The following GSDMB variants were observed in gnomAD, a reference collection of about 807,000 sequenced individuals.
GSDMB encodes the protein gasdermin B.
Under a neutral mutation model 42.9 loss-of-function variants are expected in GSDMB, and 32 were observed. The observed-to-expected ratio is 0.75, with a 90% CI of 0.56 to 1.00. GSDMB has a LOEUF of 1.00. GSDMB is among the 50% of genes least tolerant of loss of function. The pLI is 0.00. For synonymous variants in GSDMB, 175 were observed against 193.7 expected (o/e 0.90, Z 0.80); for missense variants, 468 against 498.5 (o/e 0.94, Z 0.58).
chr17:39,906,696 C>CG (rs397770706), intron 7 of GSDMB: 3 of 1,206,624 alleles, frequency 2.5e-6, no homozygotes, highest in Admixed American at 3.4e-5. Context: ...GCCACACCCC[C>CG]ACAATTAAGT....
chr17:39,906,998 A>C lies in GSDMB; in HGVS notation c.701-11T>G. 6.2e-7 allele frequency: 1 copy of C among 1,613,820 alleles called. No individual in the cohort carries two copies. On this transcript the variant is annotated splice_polypyrimidine_tract_variant and intron_variant, in intron 6 of 10. Transcript: ENST00000418519. ...AAGCACCATCCTTCTCTGCAGAGAG[A>C]GGAAGAGTTATTTCAGAATCTTCAG... is the stretch of plus-strand genomic sequence containing the variant.
intron 6 of GSDMB, 189 bp from the exon 7 acceptor site, chr17:39,907,176 C>G: frequency 1.4e-6 from 2 of 1,421,938 alleles, no homozygotes; most frequent in Non-Finnish European, 1.8e-6. Flanking sequence ...CCCACATCCT[C>G]AAAAACAGGC....
Position 39,906,272 on chromosome 17 carries a change from C to A in GSDMB, c.728-1G>T. The A allele has an allele frequency of 6.2e-7, 1 of 1,613,980 alleles. No homozygotes were observed. The highest frequency in any genetic ancestry group is 1.1e-5 in the South Asian group (1 of 91,052). ...GAATCCTCCGAACCCAAAGACTTTC[C>A]TGTAGAGGCAGCAATTGAGAACCTG... is the stretch of plus-strand genomic sequence containing the variant. On this transcript the variant is annotated splice_acceptor_variant, in intron 7 of 10. Coordinates refer to ENST00000418519, the MANE Select transcript of GSDMB (RefSeq NM_001165958.2). LOFTEE classifies it high-confidence loss of function.
chr17:39,913,195 A>G (rs373791762), intron 2 of GSDMB, among the ~76,000 whole-genome samples: 3 of 152,250 alleles, frequency 2.0e-5, no homozygotes, highest in East Asian at 1.9e-4. Context: ...GATGTAGTTA[A>G]GCACTTAACC....
chr17:39,910,504 A>G (rs966523769), intron 3 of GSDMB, among the ~76,000 whole-genome samples: 6 of 152,210 alleles, frequency 3.9e-5, no homozygotes, highest in Admixed American at 3.9e-4. Flanking sequence ...TGAGTGGTCC[A>G]AGGTCACACA....
In GSDMB at chr17:39,905,912, T is replaced by A. The variant is rs1425974424; in HGVS notation, c.962A>T (p.Asn321Ile). The change falls in exon 9 of 11, where the codon AAT becomes ATT. Residue 321 changes from asparagine to isoleucine, a missense_variant. Coordinates refer to ENST00000418519, the MANE Select transcript of GSDMB (RefSeq NM_001165958.2). ...CGCTTCTACCAAGACCCCAGCAGCA[T>A]TAAAAAGGCTGCTTAGGAGAGGCTT... ...PDKPLLSSLF[N>I]AAGVLVEARA... is the part of the protein sequence containing the mutation. 6 of 1,614,054 alleles carry A rather than the reference T, an allele frequency of 3.7e-6. No individual in the cohort carries two copies. Among genetic ancestry groups the A allele is most frequent in the Non-Finnish European group, 5.1e-6 (6 of 1,179,988 alleles).
intron 7 of GSDMB, 196 bp downstream of exon 7, chr17:39,906,765 T>G (rs747693130): frequency 5.1e-6 from 7 of 1,374,922 alleles, no homozygotes; most frequent in Non-Finnish European, 5.7e-6. Context: ...TGGTGTGATT[T>G]TGGGGTATAA....
At chr17:39,914,576 A>G (rs1239840606) in intron 2 of GSDMB, among the ~76,000 whole-genome samples, 1 of 152,054 alleles carries the variant, frequency 6.6e-6, no homozygotes, top group Non-Finnish European at 1.5e-5. Context: ...AGCCTGGCCA[A>G]CATGGTGAAA....
At chr17:39,905,573 C>T (rs1347963790) in intron 9 of GSDMB, 77 bp from the exon 10 acceptor site, 7 of 1,179,788 alleles carry the variant, frequency 5.9e-6, no homozygotes, top group East Asian at 2.4e-5. Context: ...ACACCCAGAA[C>T]ATGTATCATC....
chr17:39,908,349 CTGTTTTTTGTTTTTGTTTT>C (rs2063544464), intron 5 of GSDMB, 135 bp from the exon 6 acceptor site: 1 of 576,608 alleles, frequency 1.7e-6, no homozygotes, highest in Non-Finnish European at 3.1e-6. Flanking sequence ...AAAAAGACAA[CTGTTTTTTGTTTTTGTTTT>C]TGTTTTTTGT....
chr17:39,914,537 G>A (rs1050833571), intron 2 of GSDMB, among the ~76,000 whole-genome samples: 11 of 151,980 alleles, frequency 7.2e-5, no homozygotes, highest in African/African-American at 2.4e-4. Flanking sequence ...CAAGGCGGGC[G>A]GATCACCTGA....
Position 39,917,325 on chromosome 17 carries a change from G to A in GSDMB, c.-9C>T. On this transcript the variant is annotated 5_prime_UTR_variant, in exon 2 of 11. Coordinates refer to ENST00000418519, the MANE Select transcript of GSDMB (RefSeq NM_001165958.2). ...TCAAATACGCTGAACATTGCGCCTG[G>A]ACCAACTCAGAAACAGAAGCCAATT... 1 of 1,565,462 alleles carries A rather than the reference G, an allele frequency of 6.4e-7. No homozygotes were observed. The highest frequency in any genetic ancestry group is 8.8e-7 in the Non-Finnish European group (1 of 1,135,662).
intron 2 of GSDMB, among the ~76,000 whole-genome samples, chr17:39,915,029 G>A (rs2063684461): frequency 6.6e-6 from 1 of 152,122 alleles, no homozygotes; most frequent in African/African-American, 2.4e-5. Flanking sequence ...TAAAGACAGG[G>A]TTTTGCCATG....
At chr17:39,914,614 T>A (rs913030793) in intron 2 of GSDMB, among the ~76,000 whole-genome samples, 7 of 151,416 alleles carry the variant, frequency 4.6e-5, no homozygotes, top group Non-Finnish European at 1.0e-4. Context: ...ATACAAAAAA[T>A]TTGCCAGGTG....
In GSDMB at chr17:39,912,584, G is replaced by A. The variant is rs1348173215; in HGVS notation, c.236-87C>T. The A allele has an allele frequency of 5.0e-6, 5 of 1,009,974 alleles. No individual in the cohort carries two copies. In the East Asian group the frequency reaches 9.8e-5, roughly 20 times the overall value. The allele number at this position is 1,009,974 out of a possible 1,614,324, so 62.6% of individuals were successfully genotyped here. ...ACCCTCCCTGGGGCAGCCCCATCCTGGGTTCCGTGCCACCATCCCCCTCCC... is the reference window on the plus strand; with the variant it reads ...ACCCTCCCTGGGGCAGCCCCATCCTAGGTTCCGTGCCACCATCCCCCTCCC... On this transcript the variant is annotated intron_variant, in intron 2 of 10. Transcript: ENST00000418519.
At chr17:39,908,660 G>A (rs188393032) in intron 5 of GSDMB, among the ~76,000 whole-genome samples, 4 of 152,314 alleles carry the variant, frequency 2.6e-5, no homozygotes, top group East Asian at 1.9e-4. Flanking sequence ...GATTACAGGC[G>A]TGAGCCACCA....
At chr17:39,908,352 T>A in intron 5 of GSDMB, 138 bp from the exon 6 acceptor site, 1 of 592,058 alleles carries the variant, frequency 1.7e-6, no homozygotes, top group Non-Finnish European at 3.0e-6. Flanking sequence ...AAGACAACTG[T>A]TTTTTGTTTT....
At position 39,905,951 on chromosome 17, in the gene GSDMB, A is replaced by G. The variant is rs771846321; in HGVS notation, c.923T>C (p.Met308Thr). The G allele has an allele frequency of 1.2e-5, 20 of 1,613,914 alleles. No individual in the cohort carries two copies. Among genetic ancestry groups the G allele is most frequent in the Non-Finnish European group, 1.6e-5 (19 of 1,179,976 alleles). The change falls in exon 9 of 11, where the codon ATG becomes ACG. Residue 308 changes from methionine (M) to threonine (T), a missense_variant. Coordinates refer to ENST00000418519, the MANE Select transcript of GSDMB (RefSeq NM_001165958.2). The stretch of plus-strand genomic sequence containing the variant: ...TAGGAGAGGCTTGTCTGGGTCCTCC[A>G]TGTGTAGCTCCCCGGAAATCAGGAC... ...SEVLISGELH[M>T]EDPDKPLLSS...
intron 2 of GSDMB, among the ~76,000 whole-genome samples, chr17:39,913,585 C>T (rs1256191496): frequency 6.6e-6 from 1 of 152,220 alleles, no homozygotes; most frequent in African/African-American, 2.4e-5. Flanking sequence ...AGCCACTGCA[C>T]TCCAGCCTGG....
Sources: gnomAD v4.1 joint callset for allele counts (sites outside exome capture counted in the v4.1 genomes callset) on GRCh38, gnomAD v4.1.1 for gene constraint, MANE v1.5 for transcripts, NCBI Gene and HGNC (gene_info 2026-07-23, HGNC 2026-07-21) for gene names.